SKOR1: variants seen among roughly 807,000 people sequenced by gnomAD.
The protein encoded by SKOR1 is SKI family transcriptional corepressor 1.
SKOR1 carries 38 observed loss-of-function variants against 72.4 expected under a neutral mutation model. That is an observed-to-expected ratio of 0.52 (90% confidence interval 0.40 to 0.69). The LOEUF (loss-of-function observed/expected upper bound fraction) is 0.69, where lower values mean the gene tolerates loss of function less well. Ranked by LOEUF, SKOR1 falls within the 30% of genes least tolerant of loss-of-function variation. The pLI is 0.00. For missense variants in SKOR1, 1,320 were observed against 1,343.2 expected (o/e 0.98, Z 0.27); for synonymous variants, 642 against 599.4 (o/e 1.07, Z -1.04).
chr15:67,832,146 C>G lies in SKOR1; in HGVS notation c.2588-128C>G, dbSNP rs562656752. On this transcript the variant is annotated intron_variant, in intron 5 of 8. Coordinates refer to ENST00000380035, the MANE Select transcript of SKOR1 (RefSeq NM_001365915.1). The surrounding 1 kb of genome is among the most constrained non-coding windows in gnomAD (Gnocchi z 4.5). Reference sequence around the variant, plus strand: ...GAATGCAGTTGGTAAAGCCAGAGAGCGGAGGGCCTCCACCTACTGGTCATC... The same window carrying G: ...GAATGCAGTTGGTAAAGCCAGAGAGGGGAGGGCCTCCACCTACTGGTCATC... 15 of 788,156 alleles carry G rather than the reference C, an allele frequency of 1.9e-5. No individual in the cohort carries two copies. The highest frequency in any genetic ancestry group is 3.2e-5 in the Non-Finnish European group (15 of 461,538). 48.8% of individuals were successfully genotyped at this position (788,156 alleles called of 1,614,324 possible).
chr15:67,826,335 G>T lies in SKOR1; in HGVS notation c.507G>T (p.Glu169Asp). ...AERLCKSFLG[E>D]HKPPKLPENF... ...GCCTGTGCAAGTCGTTCCTGGGCGA[G>T]CACAAACCACCCAAGCTGCCCGAGA... The change falls in exon 2 of 9, where the codon GAG (glutamate) becomes GAT (aspartate). Residue 169 changes from glutamate (E) to aspartate (D), a missense_variant. Glu to Asp is a conservative substitution (Grantham distance 45). Coordinates refer to ENST00000380035, the MANE Select transcript of SKOR1 (RefSeq NM_001365915.1). The T allele has an allele frequency of 3.1e-6, 5 of 1,613,542 alleles. No individual in the cohort carries two copies. Among genetic ancestry groups the T allele is most frequent in the Non-Finnish European group, 4.2e-6 (5 of 1,179,986 alleles).
Position 67,833,971 on chromosome 15 carries a change from T to C in SKOR1, c.*135T>C. 1.0e-6 allele frequency: 1 copy of C among 994,894 alleles called. No homozygotes were observed. Among genetic ancestry groups the C allele is most frequent in the Non-Finnish European group, 1.5e-6 (1 of 654,340 alleles). 61.6% of individuals were successfully genotyped at this position (994,894 alleles called of 1,614,324 possible). A position where few individuals can be genotyped will look rare whatever the true frequency, so the allele number is the denominator to read the frequency against. The stretch of plus-strand genomic sequence containing the variant: ...AATACAGCCGCCCGTCCGCCCGCCT[T>C]CCTCCCGGGCTCCCCGGCCTTGCCC... On this transcript the variant is annotated 3_prime_UTR_variant, in exon 9 of 9. Coordinates refer to ENST00000380035, the MANE Select transcript of SKOR1 (RefSeq NM_001365915.1). The surrounding 1 kb of genome is among the most constrained non-coding windows in gnomAD (Gnocchi z 6.0).
Position 67,826,725 on chromosome 15 carries a change from G to A in SKOR1, c.897G>A (p.Lys299=), listed in dbSNP as rs749660263. The A allele has an allele frequency of 3.2e-6, 5 of 1,542,634 alleles. No homozygotes were observed. The Admixed American group carries it at 9.7e-5, about 30-fold the overall frequency. The change falls in exon 2 of 9, where the codon AAG becomes AAA. Residue 299 remains lysine, a synonymous_variant. Transcript: ENST00000380035. ...GANGGSGGQG[K]GGAGGGGGGG... is the part of the protein sequence containing the mutation. Reference sequence around the variant, plus strand: ...ATGGCGGGTCGGGTGGGCAGGGGAAGGGTGGTGCTGGCGGCGGTGGCGGCG... The same window carrying A: ...ATGGCGGGTCGGGTGGGCAGGGGAAAGGTGGTGCTGGCGGCGGTGGCGGCG...
In SKOR1 at chr15:67,825,529, C is replaced by G; in HGVS notation, c.-74C>G. 1.4e-6 allele frequency: 1 copy of G among 712,996 alleles called. No homozygotes were observed. Among genetic ancestry groups the G allele is most frequent in the Non-Finnish European group, 2.6e-6 (1 of 382,822 alleles). 44.2% of individuals were successfully genotyped at this position (712,996 alleles called of 1,614,324 possible). The stretch of plus-strand genomic sequence containing the variant: ...TCCCCGAAGTCCGGGCTTCAGGACC[C>G]GGGCCGGCAGCACCGGCTGCGAGGG... On this transcript the variant is annotated 5_prime_UTR_variant, in exon 1 of 9. Transcript: ENST00000380035. The surrounding 1 kb of genome is among the most constrained non-coding windows in gnomAD (Gnocchi z 5.6).
At position 67,827,504 on chromosome 15, in the gene SKOR1, G is replaced by C. The variant is rs942016553; in HGVS notation, c.1676G>C (p.Arg559Pro). 3.5e-5 allele frequency: 54 copies of C among 1,522,836 alleles called. No homozygotes were observed. The highest frequency in any genetic ancestry group is 4.6e-5 in the Non-Finnish European group (53 of 1,142,360). 94.3% of individuals were successfully genotyped at this position (1,522,836 alleles called of 1,614,324 possible). A position where few individuals can be genotyped will look rare whatever the true frequency, so the allele number is the denominator to read the frequency against. Residue 559 changes from arginine to proline, a missense_variant, in exon 2 of 9, where the codon CGC becomes CCC. Arg to Pro is a moderately radical substitution (Grantham distance 103, BLOSUM62 -2). This residue lies in a region of SKOR1 where 1,099 missense variants were observed against 1,025.5 expected (regional missense o/e 1.07). Coordinates refer to ENST00000380035, the MANE Select transcript of SKOR1 (RefSeq NM_001365915.1). ...GAGCGCTGCCCGAGCGCTCTGTCCC[G>C]CGGGCCCCTGGACGAAGACGGCACG... is the stretch of plus-strand genomic sequence containing the variant. ...AEERCPSALSRGPLDEDGTDE... is the reference protein window; with the variant it reads ...AEERCPSALSPGPLDEDGTDE...
In SKOR1 at chr15:67,827,266, G is replaced by T. The variant is rs753970970; in HGVS notation, c.1438G>T (p.Ala480Ser). 6.4e-7 allele frequency: 1 copy of T among 1,574,134 alleles called. No individual in the cohort carries two copies. Among genetic ancestry groups the T allele is most frequent in the Non-Finnish European group, 8.6e-7 (1 of 1,168,858 alleles). ...CGCAGCGGCAGTGGCTGCAGCGGCC[G>T]CCGCCGCCACTGTGTACCCGACGTT... ...KDAAAVAAAA[A>S]AATVYPTFPM... The change falls in exon 2 of 9, where the codon GCC (alanine) becomes TCC (serine). Residue 480 changes from alanine (A) to serine (S), a missense_variant. Ala to Ser is a moderately conservative substitution (Grantham distance 99, BLOSUM62 1). Around this residue, in one of 3 missense-constraint regions of SKOR1, gnomAD observed 1,099 missense variants for 1,025.5 expected, o/e 1.07. Coordinates refer to ENST00000380035, the MANE Select transcript of SKOR1 (RefSeq NM_001365915.1).
At position 67,828,123 on chromosome 15, in the gene SKOR1, A is replaced by C. The variant is rs1378525174; in HGVS notation, c.2295A>C (p.Leu765=). ...GYELREPCGP[L]GGPAPAKVFA... ...AGCTGCGAGAGCCTTGCGGGCCCCT[A>C]GGAGGCCCCGCGCCGGCCAAGGTGA... Residue 765 remains leucine, a synonymous_variant, in exon 2 of 9, where the codon CTA becomes CTC. Transcript: ENST00000380035. The C allele has an allele frequency of 6.7e-7, 1 of 1,499,378 alleles. No individual in the cohort carries two copies. Among genetic ancestry groups the C allele is most frequent in the African/African-American group, 1.5e-5 (1 of 68,642 alleles). 92.9% of individuals were successfully genotyped at this position (1,499,378 alleles called of 1,614,324 possible).
rs1474750398 is a variant in SKOR1 at position 67,827,129 on chromosome 15, C to T, written c.1301C>T (p.Thr434Ile). ...GGGAGCGGCGGCGGCGGCGCGGGGACAGGCGGGGGTGCGGGGGGCCCGGGA... is the reference window on the plus strand; with the variant it reads ...GGGAGCGGCGGCGGCGGCGCGGGGATAGGCGGGGGTGCGGGGGGCCCGGGA... ...GTGSGGGGAG[T>I]GGGAGGPGAS... is the part of the protein sequence containing the mutation. The change falls in exon 2 of 9, where the codon ACA (threonine) becomes ATA (isoleucine). Residue 434 changes from threonine (T) to isoleucine (I), a missense_variant. Physicochemically the swap from Thr to Ile is moderately conservative, Grantham distance 89 (BLOSUM62 -1). This residue lies in a region of SKOR1 where 1,099 missense variants were observed against 1,025.5 expected (regional missense o/e 1.07). Transcript: ENST00000380035. The T allele has an allele frequency of 3.6e-6, 5 of 1,397,798 alleles. No homozygotes were observed. In the African/African-American group the frequency reaches 6.2e-5, roughly 17 times the overall value. 86.6% of individuals were successfully genotyped at this position (1,397,798 alleles called of 1,614,324 possible).
In SKOR1 at chr15:67,833,333, G is replaced by A; in HGVS notation, c.2803+76G>A. 9 of 1,449,962 alleles carry A rather than the reference G, an allele frequency of 6.2e-6. No homozygotes were observed. In the South Asian group the frequency reaches 1.0e-4, roughly 17 times the overall value. The allele number at this position is 1,449,962 out of a possible 1,614,324, so 89.8% of individuals were successfully genotyped here. On this transcript the variant is annotated intron_variant, in intron 8 of 8. Transcript: ENST00000380035. The surrounding 1 kb of genome is among the most constrained non-coding windows in gnomAD (Gnocchi z 6.0). ...CTGTCGACTGAATGAATGAATAGTGGGACTAGTGAGGAAGGCCACGATCCA... is the reference window on the plus strand; with the variant it reads ...CTGTCGACTGAATGAATGAATAGTGAGACTAGTGAGGAAGGCCACGATCCA...
In SKOR1 at chr15:67,834,138, G is replaced by C. The variant is rs1003075130; in HGVS notation, c.*302G>C. ...TTAACTGGACAGACGGGGGGCGGGA[G>C]GGGAGAGCGCCCCCTCCCATTGTAT... On this transcript the variant is annotated 3_prime_UTR_variant, in exon 9 of 9. Transcript: ENST00000380035. The surrounding 1 kb of genome is among the most constrained non-coding windows in gnomAD (Gnocchi z 5.8). 4.5e-5 allele frequency: 21 copies of C among 468,156 alleles called. No individual in the cohort carries two copies. The highest frequency in any genetic ancestry group is 4.1e-4 in the African/African-American group (21 of 50,754). The allele number at this position is 468,156 out of a possible 1,614,324, so 29.0% of individuals were successfully genotyped here.
At chr15:67,831,428 A>G (rs1428181337) in intron 5 of SKOR1, among the ~76,000 whole-genome samples, 1 of 152,174 alleles carries the variant, frequency 6.6e-6, no homozygotes, top group Non-Finnish European at 1.5e-5. Flanking sequence ...TCAGCCTGTA[A>G]GGAGGAGACT....
chr15:67,828,117 G>T lies in SKOR1; in HGVS notation c.2289G>T (p.Gly763=). 4.0e-6 allele frequency: 6 copies of T among 1,503,630 alleles called. No individual in the cohort carries two copies. The highest frequency in any genetic ancestry group is 1.2e-5 in the South Asian group (1 of 80,092). 93.1% of individuals were successfully genotyped at this position (1,503,630 alleles called of 1,614,324 possible). Reference sequence around the variant, plus strand: ...GCTACGAGCTGCGAGAGCCTTGCGGGCCCCTAGGAGGCCCCGCGCCGGCCA... The same window carrying T: ...GCTACGAGCTGCGAGAGCCTTGCGGTCCCCTAGGAGGCCCCGCGCCGGCCA... ...GGGYELREPC[G]PLGGPAPAKV... is the part of the protein sequence containing the mutation. Residue 763 remains glycine, a synonymous_variant, in exon 2 of 9, where the codon GGG becomes GGT. Transcript: ENST00000380035.
intron 5 of SKOR1, among the ~76,000 whole-genome samples, chr15:67,831,937 G>A (rs2091011765): frequency 6.7e-6 from 1 of 149,438 alleles, no homozygotes; most frequent in Non-Finnish European, 1.5e-5. Context: ...GCGGGGGCGG[G>A]GTCTGTCACT....
chr15:67,830,763 C>A, intron 4 of SKOR1, 55 bp from the exon 5 acceptor site: 1 of 1,574,882 alleles, frequency 6.3e-7, no homozygotes, highest in Non-Finnish European at 8.7e-7. Context: ...CTCACCCCTC[C>A]CCTCTCAAGG....
rs754475080 is a variant in SKOR1, at chr15:67,826,937, G to A, written c.1109G>A (p.Arg370Gln). The A allele has an allele frequency of 3.2e-5, 51 of 1,584,442 alleles. No individual in the cohort carries two copies. The highest frequency in any genetic ancestry group is 4.1e-5 in the Non-Finnish European group (48 of 1,173,782). ...GGGCCCGGTGGCGGCGCCGGCGTACGAAGCTACCCGGTGATCCCGGTGCCC... is the reference window on the plus strand; with the variant it reads ...GGGCCCGGTGGCGGCGCCGGCGTACAAAGCTACCCGGTGATCCCGGTGCCC... ...PGGPGGGAGVRSYPVIPVPSK... is the reference protein window; with the variant it reads ...PGGPGGGAGVQSYPVIPVPSK... Residue 370 changes from arginine to glutamine, a missense_variant, in exon 2 of 9, where the codon CGA becomes CAA. Physicochemically the swap from Arg to Gln is conservative, Grantham distance 43. Coordinates refer to ENST00000380035, the MANE Select transcript of SKOR1 (RefSeq NM_001365915.1).
intron 3 of SKOR1, 54 bp from the exon 4 acceptor site, chr15:67,830,137 T>C (rs903488692): frequency 3.2e-6 from 5 of 1,581,302 alleles, no homozygotes; most frequent in Non-Finnish European, 2.6e-6. Flanking sequence ...GCTCCGGCAG[T>C]ATCCGGGTCA....
At chr15:67,830,432 C>G (rs2091000333) in intron 4 of SKOR1, 134 bp downstream of exon 4, 4 of 774,788 alleles carry the variant, frequency 5.2e-6, no homozygotes, top group Non-Finnish European at 8.5e-6. Context: ...CCTCGGCGAG[C>G]AGATAAATAT....
Position 67,826,725 on chromosome 15 carries a change from G to T in SKOR1, c.897G>T (p.Lys299Asn), listed in dbSNP as rs749660263. The change falls in exon 2 of 9, where the codon AAG (lysine) becomes AAT (asparagine). Residue 299 changes from lysine to asparagine, a missense_variant. Around this residue, in one of 3 missense-constraint regions of SKOR1, gnomAD observed 1,099 missense variants for 1,025.5 expected, o/e 1.07. Coordinates refer to ENST00000380035, the MANE Select transcript of SKOR1 (RefSeq NM_001365915.1). ...ATGGCGGGTCGGGTGGGCAGGGGAA[G>T]GGTGGTGCTGGCGGCGGTGGCGGCG... The part of the protein sequence containing the change: ...GANGGSGGQG[K>N]GGAGGGGGGG... 9.7e-6 allele frequency: 15 copies of T among 1,542,634 alleles called. No individual in the cohort carries two copies. In the Admixed American group the frequency reaches 2.5e-4, roughly 26 times the overall value.
In SKOR1 at chr15:67,827,226, C is replaced by T. The variant is rs771727602; in HGVS notation, c.1398C>T (p.Ser466=). ...GGAMFWGHQP[S]GAAKDAAAVA... ...CCATGTTCTGGGGGCATCAACCCTC[C>T]GGGGCAGCCAAGGACGCAGCGGCAG... Residue 466 remains serine, a synonymous_variant, in exon 2 of 9, where the codon TCC becomes TCT. Coordinates refer to ENST00000380035, the MANE Select transcript of SKOR1 (RefSeq NM_001365915.1). The T allele has an allele frequency of 1.3e-6, 2 of 1,564,304 alleles. No individual in the cohort carries two copies. Among genetic ancestry groups the T allele is most frequent in the Admixed American group, 1.8e-5 (1 of 56,958 alleles).
Sources: allele counts gnomAD v4.1 joint callset (sites outside exome capture counted in the v4.1 genomes callset), GRCh38; gene constraint gnomAD v4.1.1; regional missense constraint gnomAD v4.1.1; non-coding constraint Gnocchi (gnomAD v3.1); transcripts MANE v1.5; gene names NCBI Gene and HGNC (gene_info 2026-07-23, HGNC 2026-07-21).